EXOC2: variants seen among roughly 807,000 people sequenced by gnomAD.
EXOC2 encodes SEC5-like 1.
A neutral mutation model predicts 131.8 loss-of-function variants in EXOC2; 70 were observed. That is an observed-to-expected ratio of 0.53 (90% CI 0.44 to 0.65). The LOEUF is 0.65. Among genes scored for constraint, EXOC2 ranks in the 30% least tolerant of loss-of-function variants. The probability of loss-of-function intolerance (pLI) is 0.00; values close to 1 mark genes in which losing one functional copy is unlikely to be tolerated. For synonymous variants in EXOC2, 411 were observed against 398.4 expected, an observed-to-expected ratio of 1.03 and a Z score of -0.38; for missense variants, 923 against 1,108.6, an observed-to-expected ratio of 0.83 and a Z score of 2.38.
chr6:608,474 A>G (rs1216197842), intron 7 of EXOC2, among the ~76,000 whole-genome samples: 2 of 152,236 alleles, frequency 1.3e-5, no homozygotes, highest in African/African-American at 4.8e-5. Flanking sequence ...TGGTCTCATA[A>G]AGAAGTGACC....
chr6:597,401 T>C (rs952069978), intron 10 of EXOC2, among the ~76,000 whole-genome samples: 2 of 152,042 alleles, frequency 1.3e-5, no homozygotes, highest in African/African-American at 4.8e-5. Flanking sequence ...GGTCTCAAAC[T>C]CCTGACCTAG....
At chr6:682,944 A>T (rs1398997123) in intron 1 of EXOC2, among the ~76,000 whole-genome samples, 1 of 152,238 alleles carries the variant, frequency 6.6e-6, no homozygotes, top group Admixed American at 6.5e-5. Context: ...TTTTTTAAAA[A>T]GTGCCCAACA....
chr6:517,902 A>C (rs1386663688), intron 23 of EXOC2, among the ~76,000 whole-genome samples: 2 of 152,202 alleles, frequency 1.3e-5, no homozygotes, highest in Admixed American at 6.5e-5. Context: ...ACAGAACAAA[A>C]AACCCGATTT....
intron 23 of EXOC2, among the ~76,000 whole-genome samples, chr6:505,152 C>T (rs1444304720): frequency 2.0e-5 from 3 of 151,892 alleles, no homozygotes; most frequent in Non-Finnish European, 4.4e-5. Flanking sequence ...AAAAAAAACA[C>T]GAATACAACA....
chr6:534,658 A>G (rs1007299680), intron 22 of EXOC2, among the ~76,000 whole-genome samples: 5 of 152,238 alleles, frequency 3.3e-5, no homozygotes, highest in Non-Finnish European at 5.9e-5. Context: ...TCCGAGAAAG[A>G]TATTTTTGGA....
At chr6:579,859 G>C (rs1290623018) in intron 11 of EXOC2, among the ~76,000 whole-genome samples, 1 of 151,386 alleles carries the variant, frequency 6.6e-6, no homozygotes, top group Non-Finnish European at 1.5e-5. Context: ...ATATGAACTG[G>C]TTTCATGAGT....
chr6:550,100 C>G (rs1757066898), intron 21 of EXOC2, among the ~76,000 whole-genome samples: 1 of 152,264 alleles, frequency 6.6e-6, no homozygotes, highest in Non-Finnish European at 1.5e-5. Context: ...CCGAGGCACC[C>G]AACCTGTGCT....
chr6:554,974 C>T (rs1419621576), intron 20 of EXOC2, among the ~76,000 whole-genome samples: 1 of 152,100 alleles, frequency 6.6e-6, no homozygotes, highest in African/African-American at 2.4e-5. Context: ...ATTTATAAAA[C>T]CTGTTCTTTG....
intron 4 of EXOC2, among the ~76,000 whole-genome samples, chr6:625,621 G>A (rs1761526408): frequency 6.8e-6 from 1 of 146,606 alleles, no homozygotes; most frequent in African/African-American, 2.5e-5. Context: ...AGTCACCTAA[G>A]GCTCTTTTCT....
intron 13 of EXOC2, among the ~76,000 whole-genome samples, chr6:569,050 G>A (rs1479052506): frequency 6.6e-6 from 1 of 152,006 alleles, no homozygotes; most frequent in East Asian, 1.9e-4. Context: ...CCAACACAAT[G>A]GATTATGTAA....
chr6:622,653 G>A (rs1761351608), intron 4 of EXOC2, among the ~76,000 whole-genome samples: 1 of 152,192 alleles, frequency 6.6e-6, no homozygotes, highest in African/African-American at 2.4e-5. Flanking sequence ...CATGGGTCTG[G>A]CAGCTACGTC....
At chr6:634,078 T>C (rs1350577523) in intron 2 of EXOC2, among the ~76,000 whole-genome samples, 1 of 152,102 alleles carries the variant, frequency 6.6e-6, no homozygotes, top group Non-Finnish European at 1.5e-5. Context: ...TTTCTTTTTT[T>C]TTTTTGAGAC....
intron 23 of EXOC2, among the ~76,000 whole-genome samples, chr6:508,213 C>G (rs549266866): frequency 1.5e-4 from 23 of 152,152 alleles, no homozygotes; most frequent in Admixed American, 1.4e-3. Flanking sequence ...CCGTCCCGCC[C>G]GCCACCACAT....
At chr6:691,214 T>A (rs1322026209) in intron 1 of EXOC2, among the ~76,000 whole-genome samples, 2 of 152,238 alleles carry the variant, frequency 1.3e-5, no homozygotes, top group African/African-American at 4.8e-5. Flanking sequence ...GATTCTTACA[T>A]AATGGGCTCC....
intron 21 of EXOC2, among the ~76,000 whole-genome samples, chr6:552,370 C>T (rs1017183803): frequency 3.9e-5 from 6 of 152,220 alleles, no homozygotes; most frequent in African/African-American, 1.4e-4. Flanking sequence ...GCCAGCTGAC[C>T]TCATTTTGGG....
chr6:579,343 G>C (rs904431603), intron 11 of EXOC2, among the ~76,000 whole-genome samples: 2 of 151,922 alleles, frequency 1.3e-5, no homozygotes, highest in African/African-American at 4.8e-5. Context: ...CTATGCTTTT[G>C]TTCTATTAGA....
intron 11 of EXOC2, among the ~76,000 whole-genome samples, chr6:586,207 G>A (rs554980717): frequency 6.6e-6 from 1 of 152,256 alleles, no homozygotes; most frequent in Admixed American, 6.5e-5. Flanking sequence ...ACCGAGCCCC[G>A]GGCATCAGAA....
At chr6:673,705 CT>C (rs1333982256) in intron 1 of EXOC2, among the ~76,000 whole-genome samples, 1 of 152,116 alleles carries the variant, frequency 6.6e-6, no homozygotes, top group Non-Finnish European at 1.5e-5. Context: ...AAATATATAA[CT>C]TTTTACTATT....
At chr6:571,726 T>A (rs934008070) in intron 13 of EXOC2, among the ~76,000 whole-genome samples, 1 of 152,158 alleles carries the variant, frequency 6.6e-6, no homozygotes, top group African/African-American at 2.4e-5. Flanking sequence ...AAGACCCCTA[T>A]CTCCCCCAGA....
Sources: allele counts gnomAD v4.1 joint callset (sites outside exome capture counted in the v4.1 genomes callset), GRCh38; gene constraint gnomAD v4.1.1; transcripts MANE v1.5; gene names NCBI Gene and HGNC (gene_info 2026-07-23, HGNC 2026-07-21).